PRAMEF4: variants seen among roughly 807,000 people sequenced by gnomAD.
PRAMEF4 encodes the protein PRAME family member 4.
A neutral mutation model predicts 34.4 loss-of-function variants in PRAMEF4; 18 were observed. The ratio of observed to expected loss-of-function variants is 0.52; its 90% confidence interval spans 0.36 to 0.78. The LOEUF (loss-of-function observed/expected upper bound fraction) is 0.78, where lower values mean the gene tolerates loss of function less well. Ranked by LOEUF, PRAMEF4 falls within the 30% of genes least tolerant of loss-of-function variation. PRAMEF4 has a pLI of 0.00. For synonymous variants in PRAMEF4, 156 were observed against 219.3 expected, an observed-to-expected ratio of 0.71 and a Z score of 2.55; for missense variants, 482 against 569.1, an observed-to-expected ratio of 0.85 and a Z score of 1.56.
At chr1:12,884,532 T>C (rs1442601776) in intron 1 of PRAMEF4, among the ~76,000 whole-genome samples, 3 of 147,364 alleles carry the variant, frequency 2.0e-5, no homozygotes, top group Non-Finnish European at 4.5e-5. Context: ...CTGGCCAACA[T>C]GGTAAAACCC....
rs200968474 is a variant in PRAMEF4, at chr1:12,882,889, G to C, written c.293+213C>G. Among the ~76,000 whole-genome samples, 19 of 146,896 alleles carry C rather than the reference G, an allele frequency of 1.3e-4. 2 individuals are homozygous for C. In the Middle Eastern group the frequency reaches 0.017, roughly 133 times the overall value. The stretch of plus-strand genomic sequence containing the variant: ...CCCGGCCCAGTTCTCACTTTTCATG[G>C]TGCCTTTCAGTGCCATTAGAGGAGA... On this transcript the variant is annotated intron_variant, in intron 2 of 3. Coordinates refer to ENST00000235349, the MANE Select transcript of PRAMEF4 (RefSeq NM_001009611.4).
intron 1 of PRAMEF4, among the ~76,000 whole-genome samples, chr1:12,885,248 G>C (rs1640978509): frequency 6.7e-6 from 1 of 150,056 alleles, no homozygotes; most frequent in African/African-American, 2.5e-5. Flanking sequence ...TCATGCTTCA[G>C]CCTTCCACAT....
In PRAMEF4 at chr1:12,879,832, G is replaced by A. The variant is rs59426847; in HGVS notation, c.1149C>T (p.Asn383=). The change falls in exon 4 of 4, where the codon AAC becomes AAT. Residue 383 remains asparagine, a synonymous_variant. Transcript: ENST00000235349. The stretch of plus-strand genomic sequence containing the variant: ...TGGGATTTCCACAGAAGCTGAAGGT[G>A]TTGAGCTCAAAGCAGCGGCTCAGGG... ...LPALSRCFEL[N]TFSFCGNPIC... is the part of the protein sequence containing the mutation. The A allele has an allele frequency of 2.2e-5, 35 of 1,598,858 alleles. 2 individuals carry two copies. The highest frequency in any genetic ancestry group is 2.7e-5 in the Non-Finnish European group (32 of 1,173,336).
rs1199181453 is a variant in PRAMEF4, at chr1:12,883,371, T to A, written c.24A>T (p.Pro8=). ...GCCCTGCAAGCTCCAGGAGTCTGGG[T>A]GGAGTCCAGATGCTCATCTTCATGA... MKMSIWT[P]PRLLELAGRS... The change falls in exon 2 of 4, where the codon CCA becomes CCT. Residue 8 remains proline (P), a synonymous_variant. Coordinates refer to ENST00000235349, the MANE Select transcript of PRAMEF4 (RefSeq NM_001009611.4). The A allele has an allele frequency of 6.2e-7, 1 of 1,600,350 alleles. No homozygotes were observed. Among genetic ancestry groups the A allele is most frequent in the East Asian group, 2.3e-5 (1 of 44,366 alleles).
In PRAMEF4 at chr1:12,881,281, G is replaced by A. The variant is rs193035647; in HGVS notation, c.875+573C>T. Among the ~76,000 whole-genome samples, 13 of 148,608 alleles carry A rather than the reference G, an allele frequency of 8.7e-5. 1 individual carries two copies. The highest frequency in any genetic ancestry group is 8.3e-4 in the Admixed American group (12 of 14,476). The stretch of plus-strand genomic sequence containing the variant: ...CTCAGGAGGCTGAGGCAGGAGAATC[G>A]CATGAACCTGGGAGGCAGAAGTTGC... On this transcript the variant is annotated intron_variant, in intron 3 of 3. Coordinates refer to ENST00000235349, the MANE Select transcript of PRAMEF4 (RefSeq NM_001009611.4).
Position 12,879,793 on chromosome 1 carries a change from G to C in PRAMEF4, c.1188C>G (p.Thr396=), listed in dbSNP as rs1459468522. The C allele has an allele frequency of 5.0e-6, 8 of 1,600,222 alleles. No homozygotes were observed. Among genetic ancestry groups the C allele is most frequent in the Non-Finnish European group, 6.8e-6 (8 of 1,173,724 alleles). Residue 396 remains threonine (T), a synonymous_variant, in exon 4 of 4, where the codon ACC becomes ACG. Coordinates refer to ENST00000235349, the MANE Select transcript of PRAMEF4 (RefSeq NM_001009611.4). ...TTGTGTGGCTCAGCAGGTTCTCCAG[G>C]GTGGCCATGCAGATGGGATTTCCAC... ...SFCGNPICMA[T]LENLLSHTII... is the part of the protein sequence containing the mutation.
intron 3 of PRAMEF4, among the ~76,000 whole-genome samples, chr1:12,881,118 C>T (rs1640880056): frequency 6.7e-6 from 1 of 148,174 alleles, no homozygotes; most frequent in Admixed American, 6.9e-5. Flanking sequence ...ATAATCCCAG[C>T]ACTTTGGGAG....
In PRAMEF4 at chr1:12,883,080, C is replaced by A. The variant is rs534543275; in HGVS notation, c.293+22G>T. 5 of 1,599,778 alleles carry A rather than the reference C, an allele frequency of 3.1e-6. 1 individual carries two copies. In the African/African-American group the frequency reaches 6.8e-5, roughly 22 times the overall value. On this transcript the variant is annotated intron_variant, in intron 2 of 3. Transcript: ENST00000235349. ...AGTTGGACACCTGGGCCCTCCCCAC[C>A]AGCCCACCTGGGCCACCTCACCTGG...
rs4348735 is a variant in PRAMEF4, at chr1:12,879,714, C to T, written c.1267G>A (p.Gly423Ser). Residue 423 changes from glycine to serine, a missense_variant, in exon 4 of 4, where the codon GGT becomes AGT. By Grantham distance (56) the Gly-to-Ser change is moderately conservative. Coordinates refer to ENST00000235349, the MANE Select transcript of PRAMEF4 (RefSeq NM_001009611.4). ...CTCCAGCAGAGAGTACCATCAGCAC[C>T]ATAACTCTCCCGGGGGGCAGGATAC... ...ELYPAPRESY[G>S]ADGTLCWSRF... The T allele has an allele frequency of 0.038, 60,346 of 1,572,154 alleles. 33 individuals carry two copies. Among genetic ancestry groups the T allele is most frequent in the East Asian group, 0.13 (5,213 of 41,482 alleles).
chr1:12,884,831 A>G (rs1640964712), intron 1 of PRAMEF4, among the ~76,000 whole-genome samples: 1 of 150,216 alleles, frequency 6.7e-6, no homozygotes, highest in Admixed American at 6.8e-5. Context: ...CATCAAAATG[A>G]AAGATTTAGG....
At chr1:12,884,612 G>A (rs1640959607) in intron 1 of PRAMEF4, among the ~76,000 whole-genome samples, 1 of 147,600 alleles carries the variant, frequency 6.8e-6, no homozygotes, top group Non-Finnish European at 1.5e-5. Context: ...CTACTAGGGA[G>A]GCTGAGGTAG....
Position 12,879,675 on chromosome 1 carries a change from T to C in PRAMEF4, c.1306A>G (p.Ile436Val). 6.2e-7 allele frequency: 1 copy of C among 1,600,248 alleles called. No homozygotes were observed. Among genetic ancestry groups the C allele is most frequent in the South Asian group, 1.1e-5 (1 of 90,210 alleles). ...ACTCTGTTCATCAGCTCAGCCCTAA[T>C]TTGAGCAAATCTGCTCCAGCAGAGA... Reference protein sequence around the residue: ...GTLCWSRFAQIRAELMNRVRD... With the variant: ...GTLCWSRFAQVRAELMNRVRD... The change falls in exon 4 of 4, where the codon ATT becomes GTT. Residue 436 changes from isoleucine (I) to valine (V), a missense_variant. Ile to Val is a conservative substitution (Grantham distance 29, BLOSUM62 3). Coordinates refer to ENST00000235349, the MANE Select transcript of PRAMEF4 (RefSeq NM_001009611.4).
intron 1 of PRAMEF4, 133 bp from the exon 2 acceptor site, chr1:12,883,543 T>C (rs1231948575): frequency 2.4e-6 from 3 of 1,228,782 alleles, no homozygotes; most frequent in Admixed American, 2.6e-5. Context: ...TTCTACTCTG[T>C]ACTCAGTGGC....
intron 1 of PRAMEF4, among the ~76,000 whole-genome samples, chr1:12,884,591 T>C (rs1640959122): frequency 6.8e-6 from 1 of 147,384 alleles, no homozygotes; most frequent in Non-Finnish European, 1.5e-5. Context: ...GGTCTGCGCC[T>C]GTAGTCCAAG....
chr1:12,884,996 G>C (rs1307489142), intron 1 of PRAMEF4, among the ~76,000 whole-genome samples: 2 of 150,528 alleles, frequency 1.3e-5, no homozygotes, highest in African/African-American at 4.9e-5. Context: ...AAGTATCTTT[G>C]TTGAGGGATC....
At chr1:12,884,466 G>A (rs1175316391) in intron 1 of PRAMEF4, among the ~76,000 whole-genome samples, 1 of 149,236 alleles carries the variant, frequency 6.7e-6, no homozygotes, top group African/African-American at 2.5e-5. Flanking sequence ...TGTAATCTGA[G>A]CATTTTGTGA....
At chr1:12,880,192 A>T in intron 3 of PRAMEF4, 87 bp from the exon 4 acceptor site, 1 of 1,571,470 alleles carries the variant, frequency 6.4e-7, no homozygotes, top group Non-Finnish European at 8.7e-7. Context: ...TAATGGATGG[A>T]GACCTTTTTG....
Position 12,884,796 on chromosome 1 carries a change from T to C in PRAMEF4, c.-17+1351A>G, listed in dbSNP as rs1249356663. Among the ~76,000 whole-genome samples, 7 of 150,002 alleles carry C rather than the reference T, an allele frequency of 4.7e-5. 1 individual carries two copies. ...TTGGATTTTTGGCTTTCTTAAAGAT[T>C]AACTGATCGAATTAGATATTGATCC... On this transcript the variant is annotated intron_variant, in intron 1 of 3. Coordinates refer to ENST00000235349, the MANE Select transcript of PRAMEF4 (RefSeq NM_001009611.4).
chr1:12,880,083 A>C lies in PRAMEF4; in HGVS notation c.898T>G (p.Phe300Val), dbSNP rs3895133. 129,398 of 1,439,112 alleles carry C rather than the reference A, an allele frequency of 0.09. 20,585 individuals are homozygous for C. Among genetic ancestry groups the C allele is most frequent in the African/African-American group, 0.28 (16,295 of 57,708 alleles). The allele number at this position is 1,439,112 out of a possible 1,614,324, so 89.1% of individuals were successfully genotyped here. ...AGCACACAGTTAGTTATTGTGAGGAACTTTAACGAGGTCTTCAGACAGCTG... is the reference window on the plus strand; with the variant it reads ...AGCACACAGTTAGTTATTGTGAGGACCTTTAACGAGGTCTTCAGACAGCTG... ...LLSCLKTSLK[F>V]LTITNCVLLE... Residue 300 changes from phenylalanine to valine, a missense_variant, in exon 4 of 4, where the codon TTC becomes GTC. Physicochemically the swap from Phe to Val is conservative, Grantham distance 50 (BLOSUM62 -1). Transcript: ENST00000235349.
Sources: gnomAD v4.1 joint callset for allele counts (sites outside exome capture counted in the v4.1 genomes callset) on GRCh38, gnomAD v4.1.1 for gene constraint, MANE v1.5 for transcripts, NCBI Gene and HGNC (gene_info 2026-07-23, HGNC 2026-07-21) for gene names.